CDH23: variants seen among roughly 807,000 people sequenced by gnomAD.
The protein encoded by CDH23 is cadherin-23.
CDH23 carries 189 observed loss-of-function variants against 317.1 expected under a neutral mutation model. The ratio of observed to expected loss-of-function variants is 0.60; its 90% confidence interval spans 0.53 to 0.67. CDH23 has a LOEUF of 0.67. Ranked by LOEUF, CDH23 falls within the 30% of genes least tolerant of loss-of-function variation. The pLI, the probability that CDH23 is intolerant of heterozygous loss-of-function variation, is 0.00. For synonymous variants in CDH23, 1,839 were observed against 1,876.8 expected (o/e 0.98, Z 0.52); for missense variants, 4,401 against 4,592.4 (o/e 0.96, Z 1.20).
intron 2 of CDH23, among the ~76,000 whole-genome samples, chr10:71,445,617 T>C (rs953100129): frequency 2.6e-5 from 4 of 152,140 alleles, no homozygotes; most frequent in African/African-American, 7.2e-5. Flanking sequence ...GGCAGGAGGA[T>C]TGCTTGAGCC....
intron 1 of CDH23, among the ~76,000 whole-genome samples, chr10:71,418,982 G>A (rs993477594): frequency 2.0e-5 from 3 of 152,158 alleles, no homozygotes; most frequent in Admixed American, 1.3e-4. Flanking sequence ...ACTCAACAAA[G>A]GATAGCTACT....
At chr10:71,484,863 GT>G (rs1209576234) in intron 3 of CDH23, among the ~76,000 whole-genome samples, 2 of 152,110 alleles carry the variant, frequency 1.3e-5, no homozygotes, top group East Asian at 3.9e-4. Context: ...ATTGATGTCT[GT>G]AAAATGGGGA....
intron 57 of CDH23, 103 bp from the exon 58 acceptor site, chr10:71,807,174 C>T (rs1841756294): frequency 7.0e-7 from 1 of 1,426,326 alleles, no homozygotes; most frequent in Non-Finnish European, 9.5e-7. Flanking sequence ...GGACAGTAAA[C>T]TCCCTCAGCA....
chr10:71,743,760 C>T (rs1839792263), intron 38 of CDH23, among the ~76,000 whole-genome samples: 1 of 152,212 alleles, frequency 6.6e-6, no homozygotes, highest in Non-Finnish European at 1.5e-5. Context: ...CCTTCAATAG[C>T]ATTTGTGAAG....
chr10:71,563,866 A>G (rs1857257812), intron 6 of CDH23, among the ~76,000 whole-genome samples: 1 of 150,794 alleles, frequency 6.6e-6, no homozygotes, highest in African/African-American at 2.4e-5. Context: ...CTCCTGCCTC[A>G]GCCTCCCCAG....
At chr10:71,505,277 C>A (rs1355582227) in intron 3 of CDH23, among the ~76,000 whole-genome samples, 2 of 152,240 alleles carry the variant, frequency 1.3e-5, no homozygotes, top group East Asian at 3.9e-4. Context: ...GGGCTGTTTA[C>A]CTACCTTATC....
At chr10:71,721,482 C>A (rs571308081) in intron 28 of CDH23, among the ~76,000 whole-genome samples, 1 of 152,260 alleles carries the variant, frequency 6.6e-6, no homozygotes, top group African/African-American at 2.4e-5. Flanking sequence ...ATCATTGTGC[C>A]CAGTCTAGAG....
chr10:71,747,703 G>T (rs1009875598), intron 38 of CDH23: 1 of 152,282 alleles, frequency 6.6e-6, no homozygotes, highest in Non-Finnish European at 1.5e-5. Context: ...ACATGTGAAA[G>T]TGTGTTGGAA....
chr10:71,625,928 A>C (rs951065179), intron 11 of CDH23, among the ~76,000 whole-genome samples: 1 of 152,200 alleles, frequency 6.6e-6, no homozygotes, highest in African/African-American at 2.4e-5. Context: ...CCACAGTGGT[A>C]TTAGCATTAC....
intron 3 of CDH23, among the ~76,000 whole-genome samples, chr10:71,473,316 G>A (rs1224570952): frequency 2.6e-5 from 4 of 152,228 alleles, no homozygotes; most frequent in Non-Finnish European, 5.9e-5. Flanking sequence ...GGATGGAGAA[G>A]GAAGACATAA....
At chr10:71,643,696 C>T (rs1015798682) in intron 11 of CDH23, among the ~76,000 whole-genome samples, 165 bp from the exon 12 acceptor site, 11 of 152,174 alleles carry the variant, frequency 7.2e-5, no homozygotes, top group African/African-American at 2.2e-4. Context: ...AGCTATGGCC[C>T]ATCAGAGGCT....
intron 11 of CDH23, chr10:71,635,411 G>T (rs918939775): frequency 2.0e-5 from 3 of 152,516 alleles, no homozygotes; most frequent in Admixed American, 6.5e-5. Flanking sequence ...CTGCCAATCG[G>T]ATTGAATTAG....
chr10:71,617,202 T>C lies in CDH23; in HGVS notation c.946-3T>C, dbSNP rs755319062. On this transcript the variant is annotated splice_region_variant and splice_polypyrimidine_tract_variant and intron_variant, in intron 10 of 69. Transcript: ENST00000224721. Reference sequence around the variant, plus strand: ...CTCCGGGGTGACTGATCTCTGTCCATAGGGCACGGAGCTGAACGATGACCG... The same window carrying C: ...CTCCGGGGTGACTGATCTCTGTCCACAGGGCACGGAGCTGAACGATGACCG... 7.4e-6 allele frequency: 12 copies of C among 1,611,410 alleles called. No individual in the cohort carries two copies. Among genetic ancestry groups the C allele is most frequent in the South Asian group, 3.3e-5 (3 of 90,968 alleles).
intron 32 of CDH23, chr10:71,732,629 T>A (rs1384464121): frequency 7.1e-7 from 1 of 1,401,488 alleles, no homozygotes; most frequent in South Asian, 1.7e-5. Flanking sequence ...TGAGACCTTG[T>A]CTCTTACAAA....
intron 14 of CDH23, among the ~76,000 whole-genome samples, chr10:71,667,395 T>TGTGTGTGTGC (rs776161347): frequency 2.9e-5 from 4 of 138,680 alleles, no homozygotes; most frequent in African/African-American, 1.2e-4. Flanking sequence ...TGTGTGTGTG[T>TGTGTGTGTGC]GCGCGTGTGT....
intron 3 of CDH23, among the ~76,000 whole-genome samples, chr10:71,506,898 G>A (rs563567930): frequency 7.2e-5 from 11 of 152,204 alleles, no homozygotes; most frequent in African/African-American, 2.4e-4. Context: ...ATAATTGAGG[G>A]GAAAATGGAT....
At chr10:71,755,105 G>A in intron 38 of CDH23, 1 of 634,472 alleles carries the variant, frequency 1.6e-6, no homozygotes, top group South Asian at 1.5e-5. Context: ...TCATTCAGAA[G>A]ACATGTATTG....
chr10:71,700,188 AC>A (rs1344126647), intron 22 of CDH23, among the ~76,000 whole-genome samples: 1 of 152,186 alleles, frequency 6.6e-6, no homozygotes, highest in Non-Finnish European at 1.5e-5. Flanking sequence ...AGAGTTTGAG[AC>A]CAACCTGGCC....
At chr10:71,567,838 A>C (rs772149445) in intron 7 of CDH23, among the ~76,000 whole-genome samples, 29 of 152,354 alleles carry the variant, frequency 1.9e-4, no homozygotes, top group Non-Finnish European at 3.2e-4. Context: ...GTTGTCCCTT[A>C]GATTCTGTTG....
Sources: allele counts gnomAD v4.1 joint callset (sites outside exome capture counted in the v4.1 genomes callset), GRCh38; gene constraint gnomAD v4.1.1; transcripts MANE v1.5; gene names NCBI Gene and HGNC (gene_info 2026-07-23, HGNC 2026-07-21).